The following THSD7A variants were observed in gnomAD, a reference collection of about 807,000 sequenced individuals.
THSD7A encodes the protein thrombospondin type 1 domain containing 7A, also known as thrombospondin type-1 domain-containing protein 7A.
THSD7A carries 96 observed loss-of-function variants against 231.3 expected under a neutral mutation model. That is an observed-to-expected ratio of 0.41 (90% CI 0.35 to 0.49). The LOEUF is 0.49. Ranked by LOEUF, THSD7A falls within the 20% of genes least tolerant of loss-of-function variation. The pLI is 0.05. For missense variants in THSD7A, 2,290 were observed against 2,070.2 expected (o/e 1.11, Z -2.06); for synonymous variants, 940 against 743.3 (o/e 1.26, Z -4.30).
In THSD7A at chr7:11,541,436, A is replaced by G. The variant is rs1451182742; in HGVS notation, c.1805T>C (p.Val602Ala). 1 of 1,613,880 alleles carries G rather than the reference A, an allele frequency of 6.2e-7. No homozygotes were observed. The highest frequency in any genetic ancestry group is 2.2e-5 in the East Asian group (1 of 44,890). ...CGPGTQVQEVVCINSDGEEVD... is the reference protein window; with the variant it reads ...CGPGTQVQEVACINSDGEEVD... Reference sequence around the variant, plus strand: ...TGTCTTACCATCACTGTTGATGCACACAACCTCTTGAACTTGCGTGCCTGG... The same window carrying G: ...TGTCTTACCATCACTGTTGATGCACGCAACCTCTTGAACTTGCGTGCCTGG... Residue 602 changes from valine to alanine, a missense_variant, in exon 6 of 28, where the codon GTG becomes GCG. Val to Ala is a moderately conservative substitution (Grantham distance 64). Coordinates refer to ENST00000423059, the MANE Select transcript of THSD7A (RefSeq NM_015204.3).
At chr7:11,413,295 GA>G (rs151236359) in intron 17 of THSD7A, among the ~76,000 whole-genome samples, 11 of 149,934 alleles carry the variant, frequency 7.3e-5, no homozygotes, top group East Asian at 3.9e-4. Flanking sequence ...TTAGAATTGA[GA>G]AAAAAAAATA....
chr7:11,548,770 T>C (rs1421138152), intron 4 of THSD7A, among the ~76,000 whole-genome samples: 1 of 151,810 alleles, frequency 6.6e-6, no homozygotes, highest in East Asian at 1.9e-4. Context: ...ATTATCTCAA[T>C]AGACGCAGAA....
chr7:11,730,445 T>G (rs1781690570), intron 1 of THSD7A, among the ~76,000 whole-genome samples: 1 of 151,544 alleles, frequency 6.6e-6, no homozygotes, highest in Admixed American at 6.6e-5. Flanking sequence ...TAAAAGTTCA[T>G]GTTTTAAAAT....
At chr7:11,535,685 G>A (rs756834871) in intron 6 of THSD7A, among the ~76,000 whole-genome samples, 1 of 152,030 alleles carries the variant, frequency 6.6e-6, no homozygotes, top group Non-Finnish European at 1.5e-5. Flanking sequence ...TTCAGTTATA[G>A]GATGGATTCT....
intron 4 of THSD7A, among the ~76,000 whole-genome samples, chr7:11,548,527 G>A (rs62434461): frequency 0.014 from 2,098 of 151,960 alleles, 43 homozygotes; most frequent in East Asian, 0.039. Context: ...GCATCATTCC[G>A]ATACCAAAAC....
chr7:11,409,509 C>T (rs980006536), intron 19 of THSD7A, among the ~76,000 whole-genome samples: 2 of 152,082 alleles, frequency 1.3e-5, no homozygotes, highest in Non-Finnish European at 2.9e-5. Flanking sequence ...TACTCATATT[C>T]GATGTAAGAA....
chr7:11,389,426 T>G (rs1782893143), intron 23 of THSD7A, among the ~76,000 whole-genome samples: 1 of 36,954 alleles, frequency 2.7e-5, no homozygotes, highest in Non-Finnish European at 4.6e-5. Context: ...TCCTGCTTTT[T>G]TTTTTTTTTT....
At chr7:11,794,707 T>G (rs755024422) in intron 1 of THSD7A, among the ~76,000 whole-genome samples, 52 of 151,996 alleles carry the variant, frequency 3.4e-4, no homozygotes, top group Non-Finnish European at 7.2e-4. Context: ...TAAAGTCACT[T>G]GAAAAATAAG....
intron 1 of THSD7A, among the ~76,000 whole-genome samples, chr7:11,745,076 C>G (rs1782240764): frequency 6.6e-6 from 1 of 151,996 alleles, no homozygotes; most frequent in Non-Finnish European, 1.5e-5. Flanking sequence ...AAAAGTGTTC[C>G]TATTTCTCCA....
chr7:11,390,284 G>A (rs1171559816), intron 23 of THSD7A, among the ~76,000 whole-genome samples: 1 of 152,102 alleles, frequency 6.6e-6, no homozygotes, highest in African/African-American at 2.4e-5. Context: ...CATATTTCTT[G>A]GAGGCTTTGT....
chr7:11,660,425 G>C (rs1030456555), intron 1 of THSD7A, among the ~76,000 whole-genome samples: 6 of 151,416 alleles, frequency 4.0e-5, no homozygotes, highest in African/African-American at 1.5e-4. Context: ...TACAAACAAA[G>C]TAATAATATA....
intron 1 of THSD7A, among the ~76,000 whole-genome samples, chr7:11,792,804 G>T (rs901544803): frequency 3.3e-5 from 5 of 151,782 alleles, no homozygotes; most frequent in African/African-American, 1.2e-4. Flanking sequence ...TACAATCTCT[G>T]TTTCAGTTAT....
chr7:11,481,673 G>A, intron 7 of THSD7A, 115 bp downstream of exon 7: 1 of 1,097,888 alleles, frequency 9.1e-7, no homozygotes, highest in East Asian at 2.7e-5. Context: ...AATCTTGGAT[G>A]GCTGAATTTC....
chr7:11,500,166 C>T (rs972822159), intron 6 of THSD7A, among the ~76,000 whole-genome samples: 2 of 152,160 alleles, frequency 1.3e-5, no homozygotes, highest in South Asian at 2.1e-4. Flanking sequence ...GGCCTATATT[C>T]AACATTCTTA....
At chr7:11,392,127 C>A (rs974549917) in intron 23 of THSD7A, among the ~76,000 whole-genome samples, 1 of 152,010 alleles carries the variant, frequency 6.6e-6, no homozygotes, top group Non-Finnish European at 1.5e-5. Flanking sequence ...AGGAACAGTG[C>A]CAGCCTGCAG....
In THSD7A at chr7:11,794,394, C is replaced by T. The variant is rs146858398; in HGVS notation, c.190+37363G>A. On this transcript the variant is annotated intron_variant, in intron 1 of 27. Transcript: ENST00000423059. Reference sequence around the variant, plus strand: ...CATCCTCTTGGCCTAGAATTATATCCGTATCTAACTTCTGCTCAGGAATTA... The same window carrying T: ...CATCCTCTTGGCCTAGAATTATATCTGTATCTAACTTCTGCTCAGGAATTA... Among the ~76,000 whole-genome samples, 640 of 152,014 alleles carry T rather than the reference C, an allele frequency of 4.2e-3. 9 individuals are homozygous for T. Among genetic ancestry groups the T allele is most frequent in the African/African-American group, 0.013 (560 of 41,524 alleles).
At chr7:11,666,029 A>T (rs1321966510) in intron 1 of THSD7A, among the ~76,000 whole-genome samples, 1 of 152,086 alleles carries the variant, frequency 6.6e-6, no homozygotes, top group Non-Finnish European at 1.5e-5. Context: ...ATTTTACTAC[A>T]CTGATTCCCA....
At chr7:11,688,084 C>T (rs1167541713) in intron 1 of THSD7A, among the ~76,000 whole-genome samples, 1 of 146,682 alleles carries the variant, frequency 6.8e-6, no homozygotes, top group African/African-American at 2.5e-5. Flanking sequence ...AACAGGCCCC[C>T]GGTGTGTGAT....
intron 2 of THSD7A, among the ~76,000 whole-genome samples, chr7:11,601,908 A>G (rs1780566648): frequency 6.6e-6 from 1 of 152,216 alleles, no homozygotes; most frequent in Non-Finnish European, 1.5e-5. Context: ...CACACAGAGT[A>G]AGCAGTTGAC....
Sources: gnomAD v4.1 joint callset for allele counts (sites outside exome capture counted in the v4.1 genomes callset) on GRCh38, gnomAD v4.1.1 for gene constraint, MANE v1.5 for transcripts, NCBI Gene and HGNC (gene_info 2026-07-23, HGNC 2026-07-21) for gene names.